The following TRPM3 variants were observed in gnomAD, a reference collection of about 807,000 sequenced individuals.
TRPM3 encodes the protein transient receptor potential cation channel subfamily M member 3, also known as long transient receptor potential channel 3.
A neutral mutation model predicts 181.2 loss-of-function variants in TRPM3; 77 were observed. The observed-to-expected ratio is 0.42, with a 90% CI of 0.35 to 0.51. The LOEUF is 0.51. TRPM3 is among the 20% of genes least tolerant of loss of function. The pLI, the probability that TRPM3 is intolerant of heterozygous loss-of-function variation, is 0.01. For synonymous variants in TRPM3, 745 were observed against 796.4 expected (o/e 0.94, Z 1.09); for missense variants, 1,759 against 2,196.7 (o/e 0.80, Z 3.98).
intron 1 of TRPM3, among the ~76,000 whole-genome samples, chr9:70,969,888 C>T (rs2097223556): frequency 6.6e-6 from 1 of 151,640 alleles, no homozygotes; most frequent in Non-Finnish European, 1.5e-5. Context: ...ACTATCATTA[C>T]TATTCCCAGG....
At chr9:70,851,121 A>C (rs906344282) in intron 3 of TRPM3, among the ~76,000 whole-genome samples, 3 of 152,008 alleles carry the variant, frequency 2.0e-5, no homozygotes, top group African/African-American at 7.3e-5. Context: ...GCGCCACTAC[A>C]CTCCAGCCTG....
chr9:71,306,649 G>T (rs997303439), intron 1 of TRPM3, among the ~76,000 whole-genome samples: 1 of 152,180 alleles, frequency 6.6e-6, no homozygotes, highest in Non-Finnish European at 1.5e-5. Context: ...GCTGAGGCAG[G>T]TGGATCACAA....
rs575785931 is a variant in TRPM3, at chr9:70,595,085, T to C, written c.3048+3334A>G. Among the ~76,000 whole-genome samples, 26 of 152,312 alleles carry C rather than the reference T, an allele frequency of 1.7e-4. No homozygotes were observed. In the East Asian group the frequency reaches 4.4e-3, roughly 26 times the overall value. On this transcript the variant is annotated intron_variant, in intron 21 of 25. Coordinates refer to ENST00000677713, the MANE Select transcript of TRPM3 (RefSeq NM_001366145.2). Reference sequence around the variant, plus strand: ...AATGCAGTACATTCCTCTTGCACACTCCTGAGTAAGGTTTCATTCTAGTCA... The same window carrying C: ...AATGCAGTACATTCCTCTTGCACACCCCTGAGTAAGGTTTCATTCTAGTCA...
chr9:71,148,494 T>C (rs1331933789), intron 1 of TRPM3, among the ~76,000 whole-genome samples: 5 of 152,176 alleles, frequency 3.3e-5, no homozygotes, highest in African/African-American at 1.2e-4. Context: ...TTATGTGTTT[T>C]TAATCTCCTG....
chr9:71,000,069 G>A (rs2097583218), intron 1 of TRPM3, among the ~76,000 whole-genome samples: 1 of 152,166 alleles, frequency 6.6e-6, no homozygotes, highest in Non-Finnish European at 1.5e-5. Context: ...TGCAGAGACA[G>A]CTGACCCAAA....
chr9:70,644,000 G>A lies in TRPM3; in HGVS notation c.1346-3340C>T, dbSNP rs11142525. Among the ~76,000 whole-genome samples, 1,353 of 152,258 alleles carry A rather than the reference G, an allele frequency of 8.9e-3. 18 individuals are homozygous for A. Among genetic ancestry groups the A allele is most frequent in the African/African-American group, 0.031 (1,281 of 41,554 alleles). On this transcript the variant is annotated intron_variant, in intron 9 of 25. Coordinates refer to ENST00000677713, the MANE Select transcript of TRPM3 (RefSeq NM_001366145.2). ...TAAAGCAGAATACTTTGTCTTGAGA[G>A]CTTACAGTCTAGAGGAGAAGAGAAG...
chr9:70,880,935 C>T (rs1456497474), intron 1 of TRPM3, among the ~76,000 whole-genome samples: 1 of 152,112 alleles, frequency 6.6e-6, no homozygotes, highest in African/African-American at 2.4e-5. Flanking sequence ...GTGACTGGGA[C>T]AGATTTTTCC....
chr9:70,588,326 C>T (rs553935518), intron 22 of TRPM3, among the ~76,000 whole-genome samples: 112 of 152,252 alleles, frequency 7.4e-4, no homozygotes, highest in Admixed American at 2.1e-3. Flanking sequence ...GTGAGGGCAT[C>T]AAAGCCGCCC....
chr9:70,842,792 C>A, intron 5 of TRPM3: 1 of 506,854 alleles, frequency 2.0e-6, no homozygotes, highest in Non-Finnish European at 3.4e-6. Context: ...TACTTTGGAC[C>A]TTTCTTGATC....
At chr9:71,149,168 G>A (rs2075593890) in intron 1 of TRPM3, among the ~76,000 whole-genome samples, 1 of 152,168 alleles carries the variant, frequency 6.6e-6, no homozygotes, top group Non-Finnish European at 1.5e-5. Context: ...GGCAGGCCAA[G>A]GTGGGAAGAT....
intron 1 of TRPM3, among the ~76,000 whole-genome samples, chr9:71,039,360 A>C (rs150147372): frequency 1.6e-4 from 25 of 152,328 alleles, no homozygotes; most frequent in Admixed American, 1.0e-3. Flanking sequence ...CACATTAAGT[A>C]CTTAAATATC....
At chr9:71,437,893 CTAAAACATTTACTA>C (rs1221147824) in intron 1 of TRPM3, among the ~76,000 whole-genome samples, 3 of 151,194 alleles carry the variant, frequency 2.0e-5, no homozygotes, top group Non-Finnish European at 4.4e-5. Flanking sequence ...AAAAAAAACC[CTAAAACATTTACTA>C]TTTGGCTCTT....
intron 1 of TRPM3, among the ~76,000 whole-genome samples, chr9:71,368,451 C>G (rs1226508003): frequency 1.3e-5 from 2 of 152,156 alleles, no homozygotes; most frequent in African/African-American, 4.8e-5. Context: ...AGCCAACAAA[C>G]TTTTTGTGTA....
At chr9:71,011,261 T>C (rs2097735942) in intron 1 of TRPM3, among the ~76,000 whole-genome samples, 1 of 152,064 alleles carries the variant, frequency 6.6e-6, no homozygotes, top group Non-Finnish European at 1.5e-5. Context: ...AATAACAATG[T>C]ATTATATATT....
chr9:71,055,559 T>C (rs897262049), intron 1 of TRPM3, among the ~76,000 whole-genome samples: 2 of 152,038 alleles, frequency 1.3e-5, no homozygotes, highest in Non-Finnish European at 2.9e-5. Context: ...TTATATTCAA[T>C]TGGAACATTT....
At chr9:70,974,731 AAATAAT>A (rs138288368) in intron 1 of TRPM3, among the ~76,000 whole-genome samples, 3 of 151,140 alleles carry the variant, frequency 2.0e-5, no homozygotes, top group Admixed American at 6.6e-5. Flanking sequence ...TCCATCTCAA[AAATAAT>A]AATAATAATA....
intron 6 of TRPM3, chr9:70,827,392 A>G (rs1488083946): frequency 6.6e-6 from 1 of 152,350 alleles, no homozygotes; most frequent in African/African-American, 2.4e-5. Context: ...ACATTTTCAC[A>G]TGATGCTTTA....
chr9:71,101,852 T>A (rs2068448269), intron 1 of TRPM3, among the ~76,000 whole-genome samples: 2 of 152,136 alleles, frequency 1.3e-5, no homozygotes, highest in Non-Finnish European at 2.9e-5. Flanking sequence ...GAAAGCTACA[T>A]TTAAGCATCC....
At chr9:71,168,426 CT>C (rs2076640412) in intron 1 of TRPM3, among the ~76,000 whole-genome samples, 1 of 150,962 alleles carries the variant, frequency 6.6e-6, no homozygotes, top group South Asian at 2.1e-4. Flanking sequence ...TTTAGAATTA[CT>C]GAGAGTTTAA....
Sources: gnomAD v4.1 joint callset for allele counts (sites outside exome capture counted in the v4.1 genomes callset) on GRCh38, gnomAD v4.1.1 for gene constraint, MANE v1.5 for transcripts, NCBI Gene and HGNC (gene_info 2026-07-23, HGNC 2026-07-21) for gene names.